The following TLN2 variants were observed in gnomAD, a reference collection of about 807,000 sequenced individuals.
TLN2 encodes talin 2.
TLN2 carries 118 observed loss-of-function variants against 294.7 expected under a neutral mutation model. The observed-to-expected ratio is 0.40, with a 90% confidence interval of 0.34 to 0.47. TLN2 has a LOEUF of 0.47. TLN2 is among the 20% of genes least tolerant of loss of function. The pLI is 0.84. For synonymous variants in TLN2, 1,431 were observed against 1,304.5 expected (o/e 1.10, Z -2.09); for missense variants, 3,083 against 3,282.2 (o/e 0.94, Z 1.48).
At chr15:62,549,833 A>G (rs1261798365) in intron 1 of TLN2, among the ~76,000 whole-genome samples, 3 of 152,190 alleles carry the variant, frequency 2.0e-5, no homozygotes, top group Admixed American at 6.5e-5. Context: ...CAAGGCCACA[A>G]TGATGTCATT....
chr15:62,671,612 A>T (rs1331969558), intron 9 of TLN2, among the ~76,000 whole-genome samples: 2 of 152,062 alleles, frequency 1.3e-5, no homozygotes, highest in Non-Finnish European at 2.9e-5. Flanking sequence ...TAATTTCTGG[A>T]CTCTCAATTC....
chr15:62,673,618 ATATGT>A (rs2055769066), intron 9 of TLN2, among the ~76,000 whole-genome samples: 2 of 147,726 alleles, frequency 1.4e-5, no homozygotes, highest in African/African-American at 5.0e-5. Flanking sequence ...TTTTCTTTAA[ATATGT>A]TAGTTTGACC....
At chr15:62,502,197 T>G (rs1358027364) in intron 1 of TLN2, among the ~76,000 whole-genome samples, 1 of 152,248 alleles carries the variant, frequency 6.6e-6, no homozygotes, top group African/African-American at 2.4e-5. Context: ...ATGCTGCTGC[T>G]CCTTTTGTGT....
chr15:62,562,530 CATTT>C (rs34080138), intron 1 of TLN2, among the ~76,000 whole-genome samples: 21,049 of 150,116 alleles, frequency 0.14, 1,595 homozygotes, highest in African/African-American at 0.21. Flanking sequence ...ATCTCTCCTC[CATTT>C]ATTTATTTAT....
At chr15:62,426,022 G>A (rs2034686527) in intron 1 of TLN2, among the ~76,000 whole-genome samples, 1 of 152,196 alleles carries the variant, frequency 6.6e-6, no homozygotes, top group South Asian at 2.1e-4. Flanking sequence ...TGAGGGAATG[G>A]GGAGTTGGTT....
chr15:62,746,261 C>G (rs1243173305), intron 32 of TLN2, among the ~76,000 whole-genome samples: 1 of 152,180 alleles, frequency 6.6e-6, no homozygotes, highest in East Asian at 1.9e-4. Context: ...GCCAGCCTAT[C>G]TCAGAAGCGT....
chr15:62,751,179 G>C (rs542034311), intron 34 of TLN2, among the ~76,000 whole-genome samples: 1 of 152,258 alleles, frequency 6.6e-6, no homozygotes, highest in African/African-American at 2.4e-5. Context: ...CTCCTCTGTA[G>C]TAATCATACC....
At chr15:62,755,411 A>G in intron 36 of TLN2, 121 bp from the exon 37 acceptor site, 1 of 1,253,722 alleles carries the variant, frequency 8.0e-7, no homozygotes, top group Non-Finnish European at 1.1e-6. Flanking sequence ...AGAACTAGAC[A>G]TGCTTGTAAT....
chr15:62,783,648 C>A, intron 44 of TLN2, 123 bp from the exon 45 acceptor site: 3 of 1,450,344 alleles, frequency 2.1e-6, no homozygotes, highest in Non-Finnish European at 2.7e-6. Context: ...CCTTCACCCC[C>A]TCAGGAGCTT....
chr15:62,703,804 A>T (rs572648013), intron 19 of TLN2, among the ~76,000 whole-genome samples: 114 of 152,184 alleles, frequency 7.5e-4, no homozygotes, highest in South Asian at 4.6e-3. Flanking sequence ...AGCGACTGTC[A>T]CCACTGTCTG....
At chr15:62,415,061 A>C (rs922429096) in intron 1 of TLN2, among the ~76,000 whole-genome samples, 1 of 140,476 alleles carries the variant, frequency 7.1e-6, no homozygotes, top group Non-Finnish European at 1.5e-5. Flanking sequence ...GGCGTGCACC[A>C]CCATGCCCTG....
chr15:62,475,162 C>T (rs1595889725), intron 1 of TLN2, among the ~76,000 whole-genome samples: 1 of 152,158 alleles, frequency 6.6e-6, no homozygotes, highest in Non-Finnish European at 1.5e-5. Context: ...ACCACTGTGA[C>T]ACCAACTTAG....
At chr15:62,826,702 C>T (rs1265503078) in intron 54 of TLN2, among the ~76,000 whole-genome samples, 1 of 111,444 alleles carries the variant, frequency 9.0e-6, no homozygotes, top group African/African-American at 3.4e-5. Flanking sequence ...TAGTAGCAGC[C>T]AAACTTGCAA....
At chr15:62,805,567 G>C in intron 50 of TLN2, 33 bp from the exon 51 acceptor site, 4 of 1,543,054 alleles carry the variant, frequency 2.6e-6, no homozygotes, top group Non-Finnish European at 3.5e-6. Context: ...TTTCCTTTTT[G>C]ATTTTTTTAA....
intron 50 of TLN2, among the ~76,000 whole-genome samples, chr15:62,804,404 C>T (rs1029202726): frequency 6.6e-6 from 1 of 152,146 alleles, no homozygotes; most frequent in Non-Finnish European, 1.5e-5. Context: ...TTGAGCCCAG[C>T]CTGGGCAACA....
rs2061984149 is a variant in TLN2 at position 62,752,360 on chromosome 15, C to T, written c.4265C>T (p.Pro1422Leu). 6.2e-7 allele frequency: 1 copy of T among 1,614,134 alleles called. No individual in the cohort carries two copies. Among genetic ancestry groups the T allele is most frequent in the Non-Finnish European group, 8.5e-7 (1 of 1,180,022 alleles). Reference protein sequence around the residue: ...ISQNAKTGDLPAFGECVGIAS... With the variant: ...ISQNAKTGDLLAFGECVGIAS... The stretch of plus-strand genomic sequence containing the variant: ...CAGAATGCCAAGACCGGAGACCTCC[C>T]TGCCTTTGGGGAATGTGTGGGGATT... The change falls in exon 35 of 59, where the codon CCT becomes CTT. Residue 1422 changes from proline to leucine, a missense_variant. Transcript: ENST00000636159.
At chr15:62,425,857 G>T (rs895708261) in intron 1 of TLN2, among the ~76,000 whole-genome samples, 6 of 152,188 alleles carry the variant, frequency 3.9e-5, no homozygotes, top group African/African-American at 1.4e-4. Flanking sequence ...TGGTTGAGGG[G>T]AGAACCTACT....
At chr15:62,600,055 G>A (rs1250151310) in intron 2 of TLN2, among the ~76,000 whole-genome samples, 1 of 152,182 alleles carries the variant, frequency 6.6e-6, no homozygotes, top group African/African-American at 2.4e-5. Context: ...TGCTAGAGCG[G>A]GTAGAGCAGC....
intron 43 of TLN2, among the ~76,000 whole-genome samples, chr15:62,777,862 C>T (rs1951678300): frequency 6.6e-6 from 1 of 152,200 alleles, no homozygotes; most frequent in Admixed American, 6.5e-5. Context: ...AACTCCATAT[C>T]TCCTGTTCTT....
Sources: allele counts gnomAD v4.1 joint callset (sites outside exome capture counted in the v4.1 genomes callset), GRCh38; gene constraint gnomAD v4.1.1; transcripts MANE v1.5; gene names NCBI Gene and HGNC (gene_info 2026-07-23, HGNC 2026-07-21).